ARHGEF17: variants seen among roughly 807,000 people sequenced by gnomAD.
ARHGEF17 encodes 164 kDa Rho-specific guanine-nucleotide exchange factor.
ARHGEF17 carries 80 observed loss-of-function variants against 174.0 expected under a neutral mutation model. The ratio of observed to expected loss-of-function variants is 0.46; its 90% confidence interval spans 0.38 to 0.55. The LOEUF is 0.55. Ranked by LOEUF, ARHGEF17 falls within the 20% of genes least tolerant of loss-of-function variation. The pLI is 0.00. For synonymous variants in ARHGEF17, 1,311 were observed against 1,189.1 expected (o/e 1.10, Z -2.11); for missense variants, 2,886 against 2,839.7 (o/e 1.02, Z -0.37).
At chr11:73,343,922 G>A (rs943931906) in intron 1 of ARHGEF17, among the ~76,000 whole-genome samples, 1 of 152,164 alleles carries the variant, frequency 6.6e-6, no homozygotes, top group Non-Finnish European at 1.5e-5. Flanking sequence ...TCTCAGCTGC[G>A]TGACCTGGCT....
At chr11:73,367,289 A>G (rs1292610916) in intron 20 of ARHGEF17, among the ~76,000 whole-genome samples, 1 of 152,190 alleles carries the variant, frequency 6.6e-6, no homozygotes, top group Non-Finnish European at 1.5e-5. Context: ...GAGAGATAGA[A>G]AGTGGCATCT....
chr11:73,315,952 G>C (rs574686926), intron 1 of ARHGEF17, among the ~76,000 whole-genome samples: 10 of 143,494 alleles, frequency 7.0e-5, no homozygotes, highest in African/African-American at 2.6e-4. Context: ...TCCCATCTGT[G>C]ATCTTTCAGG....
intron 1 of ARHGEF17, among the ~76,000 whole-genome samples, chr11:73,331,139 G>A (rs1374339740): frequency 6.6e-6 from 1 of 152,148 alleles, no homozygotes; most frequent in African/African-American, 2.4e-5. Flanking sequence ...ACATCCCCCA[G>A]AACCTAGTCC....
rs114205612 is a variant in ARHGEF17 at position 73,312,538 on chromosome 11, C to T, written c.3192+708C>T. Among the ~76,000 whole-genome samples the T allele has an allele frequency of 6.4e-4, 97 of 152,060 alleles. 1 individual carries two copies. The highest frequency in any genetic ancestry group is 2.2e-3 in the African/African-American group (93 of 41,448). On this transcript the variant is annotated intron_variant, in intron 1 of 20. Coordinates refer to ENST00000263674, the MANE Select transcript of ARHGEF17 (RefSeq NM_014786.4). Reference sequence around the variant, plus strand: ...TACTGTGCAGATTTGGGGGAGCCTGCGGTTTTGAGTTGGGGACTCTTGGGG... The same window carrying T: ...TACTGTGCAGATTTGGGGGAGCCTGTGGTTTTGAGTTGGGGACTCTTGGGG...
At chr11:73,320,472 TA>T (rs562549045) in intron 1 of ARHGEF17, among the ~76,000 whole-genome samples, 19,354 of 136,036 alleles carry the variant, frequency 0.14, 1,474 homozygotes, top group African/African-American at 0.24. Flanking sequence ...CTGTCTCCAC[TA>T]AAAAAAAAAA....
At position 73,356,236 on chromosome 11, in the gene ARHGEF17, G is replaced by A. The variant is rs757848644; in HGVS notation, c.3725G>A (p.Arg1242Gln). The change falls in exon 6 of 21, where the codon CGG becomes CAG. Residue 1242 changes from arginine (R) to glutamine (Q), a missense_variant. This residue lies in a region of ARHGEF17 where 353 missense variants were observed against 470.3 expected (regional missense o/e 0.75). Coordinates refer to ENST00000263674, the MANE Select transcript of ARHGEF17 (RefSeq NM_014786.4). ...CATCCACTCCTGCTGGAGGCGCAGC[G>A]GAACATCAAGCAGGTGGCTGAGCGC... ...PDHPLLLEAQ[R>Q]NIKQVAERIN... The A allele has an allele frequency of 3.5e-5, 56 of 1,613,818 alleles. No individual in the cohort carries two copies. Among genetic ancestry groups the A allele is most frequent in the Non-Finnish European group, 4.2e-5 (50 of 1,180,036 alleles).
chr11:73,333,839 T>A (rs1865247324), intron 1 of ARHGEF17, among the ~76,000 whole-genome samples: 1 of 152,220 alleles, frequency 6.6e-6, no homozygotes, highest in Admixed American at 6.5e-5. Flanking sequence ...CTGGGGGTCA[T>A]GAGACATTTC....
chr11:73,357,192 T>G (rs1865658549), intron 8 of ARHGEF17, 50 bp from the exon 9 acceptor site: 1 of 1,612,602 alleles, frequency 6.2e-7, no homozygotes. Flanking sequence ...TGTCCCTCTC[T>G]GAGCCCCACT....
Position 73,308,963 on chromosome 11 carries a change from G to A in ARHGEF17, c.325G>A (p.Ala109Thr). The change falls in exon 1 of 21, where the codon GCG (alanine) becomes ACG (threonine). Residue 109 changes from alanine (A) to threonine (T), a missense_variant. Ala to Thr is a moderately conservative substitution (Grantham distance 58). This residue lies in a region of ARHGEF17 where 1,728 missense variants were observed against 1,461.2 expected (regional missense o/e 1.18). Coordinates refer to ENST00000263674, the MANE Select transcript of ARHGEF17 (RefSeq NM_014786.4). ...AGTRDGGVLP[A>T]AAEEAAEGPA... ...GACCCGAGACGGAGGCGTCTTACCC[G>A]CGGCCGCGGAAGAAGCGGCCGAGGG... The A allele has an allele frequency of 1.5e-6, 2 of 1,360,112 alleles. No individual in the cohort carries two copies. Among genetic ancestry groups the A allele is most frequent in the Non-Finnish European group, 1.9e-6 (2 of 1,061,400 alleles). 84.3% of individuals were successfully genotyped at this position (1,360,112 alleles called of 1,614,324 possible).
chr11:73,336,509 G>A (rs1444185571), intron 1 of ARHGEF17, among the ~76,000 whole-genome samples: 2 of 152,210 alleles, frequency 1.3e-5, no homozygotes, highest in Admixed American at 6.5e-5. Flanking sequence ...CATAAGGAAT[G>A]AGGGCTACCA....
rs1451757870 is a variant in ARHGEF17, at chr11:73,310,784, G to A, written c.2146G>A (p.Gly716Ser). The change falls in exon 1 of 21, where the codon GGT becomes AGT. Residue 716 changes from glycine to serine, a missense_variant. Around this residue, in one of 4 missense-constraint regions of ARHGEF17, gnomAD observed 1,728 missense variants for 1,461.2 expected, o/e 1.18. Transcript: ENST00000263674. ...LRRRRKVPPS[G>S]SGGSELSNGE... ...CCGACGACGCAAAGTCCCACCTTCA[G>A]GTTCTGGTGGGAGCGAATTGAGCAA... 3.1e-6 allele frequency: 5 copies of A among 1,612,088 alleles called. No homozygotes were observed. Among genetic ancestry groups the A allele is most frequent in the Non-Finnish European group, 4.2e-6 (5 of 1,179,432 alleles).
At chr11:73,354,934 G>A (rs10898917) in intron 3 of ARHGEF17, among the ~76,000 whole-genome samples, 34,196 of 152,188 alleles carry the variant, frequency 0.22, 6,795 homozygotes, top group African/African-American at 0.54. Flanking sequence ...ACTGTGGGTG[G>A]GATGGGAGCA....
Position 73,362,127 on chromosome 11 carries a change from G to T in ARHGEF17, c.4582G>T (p.Val1528Leu). 1.9e-6 allele frequency: 3 copies of T among 1,611,980 alleles called. No individual in the cohort carries two copies. Among genetic ancestry groups the T allele is most frequent in the Non-Finnish European group, 2.5e-6 (3 of 1,179,756 alleles). Residue 1528 changes from valine to leucine, a missense_variant, in exon 13 of 21, where the codon GTG (valine) becomes TTG (leucine). Physicochemically the swap from Val to Leu is conservative, Grantham distance 32. This residue lies in a region of ARHGEF17 where 476 missense variants were observed against 473.1 expected (regional missense o/e 1.01). Transcript: ENST00000263674. ...CAACAGCGACGGCTACGTGGGCCAG[G>T]TGTGCCTGCTGAGCCTGCGCGCCGA... ...VCNSDGYVGQ[V>L]CLLSLRAEPD...
At position 73,363,203 on chromosome 11, in the gene ARHGEF17, C is replaced by T; in HGVS notation, c.4997-3C>T. The T allele has an allele frequency of 6.5e-7, 1 of 1,549,606 alleles. No homozygotes were observed. Among genetic ancestry groups the T allele is most frequent in the Non-Finnish European group, 8.7e-7 (1 of 1,146,214 alleles). On this transcript the variant is annotated splice_region_variant and splice_polypyrimidine_tract_variant and intron_variant, in intron 14 of 20. Transcript: ENST00000263674. ...TGGAGACAGAGACCTTTGTCTCCCT[C>T]AGATGAGGAGACCCCGAGTTCCAAG...
intron 3 of ARHGEF17, among the ~76,000 whole-genome samples, chr11:73,354,297 G>A (rs1268070493): frequency 2.0e-5 from 3 of 152,334 alleles, no homozygotes; most frequent in South Asian, 2.1e-4. Flanking sequence ...CCCTGGACCC[G>A]GAGGGGTCAG....
chr11:73,338,078 C>T (rs1865313909), intron 1 of ARHGEF17, among the ~76,000 whole-genome samples: 1 of 152,194 alleles, frequency 6.6e-6, no homozygotes, highest in Non-Finnish European at 1.5e-5. Flanking sequence ...CTAGCTGCCT[C>T]AGAGGCCTGG....
At chr11:73,331,626 G>T (rs1865204936) in intron 1 of ARHGEF17, among the ~76,000 whole-genome samples, 1 of 152,162 alleles carries the variant, frequency 6.6e-6, no homozygotes, top group African/African-American at 2.4e-5. Flanking sequence ...GGGAGTGGGG[G>T]GGTGCGGGGG....
intron 1 of ARHGEF17, among the ~76,000 whole-genome samples, chr11:73,346,603 G>A: frequency 6.6e-6 from 1 of 152,254 alleles, no homozygotes; most frequent in East Asian, 1.9e-4. Flanking sequence ...GAGCCAAGAA[G>A]TGGGTGGATG....
At chr11:73,329,444 C>T (rs1865168348) in intron 1 of ARHGEF17, among the ~76,000 whole-genome samples, 1 of 140,774 alleles carries the variant, frequency 7.1e-6, no homozygotes, top group Admixed American at 7.2e-5. Context: ...CTGTCACCCA[C>T]GCTGGAGTGC....
Sources: gnomAD v4.1 joint callset for allele counts (sites outside exome capture counted in the v4.1 genomes callset) on GRCh38, gnomAD v4.1.1 for gene constraint, gnomAD v4.1.1 regional missense constraint, MANE v1.5 for transcripts, NCBI Gene and HGNC (gene_info 2026-07-23, HGNC 2026-07-21) for gene names.